KCNMA1: variants seen among roughly 807,000 people sequenced by gnomAD.
The protein encoded by KCNMA1 is potassium calcium-activated channel subfamily M alpha 1, also known as Calcium-activated potassium channel subunit alpha-1.
KCNMA1 carries 29 observed loss-of-function variants against 140.0 expected under a neutral mutation model. That is an observed-to-expected ratio of 0.21 (90% CI 0.15 to 0.28). The LOEUF (loss-of-function observed/expected upper bound fraction) is 0.28. Ranked by LOEUF, KCNMA1 falls within the 10% of genes least tolerant of loss-of-function variation. The pLI is 1.00. For synonymous variants in KCNMA1, 612 were observed against 611.9 expected, an observed-to-expected ratio of 1.00 and a Z score of 0.00; for missense variants, 880 against 1,602.2, an observed-to-expected ratio of 0.55 and a Z score of 7.70.
downstream of KCNMA1, among the ~76,000 whole-genome samples, chr10:76,880,501 T>A (rs966919596): frequency 2.0e-5 from 3 of 152,184 alleles, no homozygotes; most frequent in African/African-American, 7.2e-5. Context: ...ATGTAGGATG[T>A]TCAGGAAACG....
intron 3 of KCNMA1, among the ~76,000 whole-genome samples, chr10:77,201,575 T>C (rs2154155405): frequency 6.6e-6 from 1 of 152,124 alleles, no homozygotes; most frequent in East Asian, 1.9e-4. Context: ...CAAAGGAGAG[T>C]AGAACAGGCC....
chr10:77,141,276 T>G (rs2098163590), intron 5 of KCNMA1, among the ~76,000 whole-genome samples: 1 of 151,876 alleles, frequency 6.6e-6, no homozygotes, highest in South Asian at 2.1e-4. Context: ...CCCAGCCCCC[T>G]CTTAGTTCTC....
At chr10:77,221,905 C>T (rs773886493) in intron 3 of KCNMA1, among the ~76,000 whole-genome samples, 7 of 152,304 alleles carry the variant, frequency 4.6e-5, no homozygotes, top group Non-Finnish European at 8.8e-5. Context: ...AGGAGCCAGA[C>T]AGATGCAGGT....
chr10:77,019,132 A>G (rs199876969), intron 16 of KCNMA1, 33 bp from the exon 17 acceptor site: 1 of 1,171,602 alleles, frequency 8.5e-7, no homozygotes, highest in Non-Finnish European at 1.3e-6. Flanking sequence ...CAGAGAAGAT[A>G]CATTTGTGAG....
chr10:77,424,089 T>G (rs1048474453), intron 1 of KCNMA1, among the ~76,000 whole-genome samples: 3 of 152,232 alleles, frequency 2.0e-5, no homozygotes, highest in African/African-American at 7.2e-5. Flanking sequence ...ATATTGGCCT[T>G]GTTTTGTTGG....
Position 77,579,310 on chromosome 10 carries a change from G to A in KCNMA1, c.378+57955C>T, listed in dbSNP as rs546672301. ...GGGGTGTCAGTGACAAATGGCCACA[G>A]GTGTGTGCGAAGAAGCCTGAATTTT... On this transcript the variant is annotated intron_variant, in intron 1 of 27. Coordinates refer to ENST00000286628, the MANE Select transcript of KCNMA1 (RefSeq NM_001161352.2). 2.6e-5 allele frequency among the ~76,000 whole-genome samples: 4 copies of A among 152,322 alleles called. No homozygotes were observed. In the South Asian group the frequency reaches 8.3e-4, roughly 32 times the overall value.
chr10:76,871,386 A>C (rs959106128), exon 28 of KCNMA1: 2 of 152,376 alleles, frequency 1.3e-5, no homozygotes, highest in Non-Finnish European at 2.9e-5. Flanking sequence ...TGTCCACTGC[A>C]CAATGAATAT....
intron 1 of KCNMA1, among the ~76,000 whole-genome samples, chr10:77,442,401 G>C (rs572191392): frequency 2.0e-5 from 3 of 151,932 alleles, no homozygotes; most frequent in Admixed American, 2.0e-4. Context: ...CCACACATAA[G>C]CACTCTCCTG....
intron 1 of KCNMA1, among the ~76,000 whole-genome samples, chr10:77,606,137 C>T (rs1344609234): frequency 6.6e-6 from 1 of 152,252 alleles, no homozygotes; most frequent in Non-Finnish European, 1.5e-5. Flanking sequence ...CCAGACACCC[C>T]TGCATCAGCC....
intron 20 of KCNMA1, among the ~76,000 whole-genome samples, chr10:76,965,003 A>G (rs2153093979): frequency 6.6e-6 from 1 of 152,274 alleles, no homozygotes; most frequent in South Asian, 2.1e-4. Flanking sequence ...CACCTGATAC[A>G]TCCTATGTAA....
chr10:76,995,531 T>C (rs963786642), intron 19 of KCNMA1: 3 of 470,876 alleles, frequency 6.4e-6, no homozygotes, highest in Middle Eastern at 3.2e-4. Flanking sequence ...GGCAGAGCCT[T>C]GACAAGAAAG....
chr10:77,287,187 A>T (rs1192058987), intron 2 of KCNMA1, among the ~76,000 whole-genome samples: 1 of 152,248 alleles, frequency 6.6e-6, no homozygotes, highest in Admixed American at 6.5e-5. Context: ...ATGGAAATGC[A>T]AAGACAACAC....
At chr10:77,574,822 C>T (rs2073418904) in intron 1 of KCNMA1, among the ~76,000 whole-genome samples, 1 of 152,246 alleles carries the variant, frequency 6.6e-6, no homozygotes, top group African/African-American at 2.4e-5. Flanking sequence ...AATTTTGCCT[C>T]TAAGACAAGA....
At chr10:77,626,738 C>T (rs369358906) in intron 1 of KCNMA1, among the ~76,000 whole-genome samples, 10 of 152,160 alleles carry the variant, frequency 6.6e-5, no homozygotes, top group Non-Finnish European at 1.5e-4. Flanking sequence ...CCACACAGGC[C>T]GCGTGCTATC....
At chr10:77,231,684 T>C (rs2199582) in intron 3 of KCNMA1, among the ~76,000 whole-genome samples, 122,042 of 152,084 alleles carry the variant, frequency 0.8, 49,254 homozygotes, top group East Asian at 0.98. Flanking sequence ...CACACCCCAA[T>C]GGCCTCGGAC....
chr10:77,325,468 CT>C (rs1298243235), intron 2 of KCNMA1, among the ~76,000 whole-genome samples: 5 of 152,220 alleles, frequency 3.3e-5, no homozygotes, highest in African/African-American at 1.2e-4. Context: ...TGGGCTACAG[CT>C]TGGGTAGCTG....
rs143751967 is a variant in KCNMA1 at position 77,606,845 on chromosome 10, C to T, written c.378+30420G>A. ...TTTAGTCACCTAATGCCCACAGGCACCTTGACACCATACAAAGAACCCCTC... is the reference window on the plus strand; with the variant it reads ...TTTAGTCACCTAATGCCCACAGGCATCTTGACACCATACAAAGAACCCCTC... On this transcript the variant is annotated intron_variant, in intron 1 of 27. Coordinates refer to ENST00000286628, the MANE Select transcript of KCNMA1 (RefSeq NM_001161352.2). Among the ~76,000 whole-genome samples, 39 of 152,236 alleles carry T rather than the reference C, an allele frequency of 2.6e-4. No homozygotes were observed. In the East Asian group the frequency reaches 5.2e-3, roughly 20 times the overall value.
At chr10:77,214,605 T>C (rs2047123651) in intron 3 of KCNMA1, among the ~76,000 whole-genome samples, 1 of 152,174 alleles carries the variant, frequency 6.6e-6, no homozygotes, top group South Asian at 2.1e-4. Flanking sequence ...GGCTCCATCC[T>C]TTAGCCCACT....
At chr10:77,073,064 G>C (rs765169533) in intron 14 of KCNMA1, 33 bp downstream of exon 14, 1 of 1,606,244 alleles carries the variant, frequency 6.2e-7, no homozygotes, top group Non-Finnish European at 8.5e-7. Context: ...ATGGAATCCC[G>C]AGCTAATGTG....
Sources: allele counts gnomAD v4.1 joint callset (sites outside exome capture counted in the v4.1 genomes callset), GRCh38; gene constraint gnomAD v4.1.1; transcripts MANE v1.5; gene names NCBI Gene and HGNC (gene_info 2026-07-23, HGNC 2026-07-21).